DOK5: variants seen among roughly 807,000 people sequenced by gnomAD.
DOK5 encodes downstream of tyrosine kinase 5.
In DOK5, 27 loss-of-function variants were observed where a neutral mutation model predicts 43.3. The observed-to-expected ratio is 0.62, with a 90% confidence interval of 0.46 to 0.86. The LOEUF (loss-of-function observed/expected upper bound fraction) is 0.86, where lower values mean the gene tolerates loss of function less well. Ranked by LOEUF, DOK5 falls within the 40% of genes least tolerant of loss-of-function variation. The probability of loss-of-function intolerance (pLI) is 0.00; values close to 1 mark genes in which losing one functional copy is unlikely to be tolerated. For missense variants in DOK5, 373 were observed against 392.9 expected (o/e 0.95, Z 0.43); for synonymous variants, 146 against 140.1 (o/e 1.04, Z -0.30).
At chr20:54,647,288 T>G (rs908765920) in intron 7 of DOK5, among the ~76,000 whole-genome samples, 3 of 152,112 alleles carry the variant, frequency 2.0e-5, no homozygotes, top group Non-Finnish European at 4.4e-5. Flanking sequence ...GTGGATCTCC[T>G]GAGATCTCGA....
chr20:54,546,209 A>G (rs1487425786), intron 1 of DOK5, among the ~76,000 whole-genome samples: 2 of 152,226 alleles, frequency 1.3e-5, no homozygotes, highest in Non-Finnish European at 2.9e-5. Context: ...TGTTGGGATG[A>G]CTAATTGAAA....
chr20:54,603,683 C>A (rs1986369028), intron 5 of DOK5, among the ~76,000 whole-genome samples: 1 of 152,104 alleles, frequency 6.6e-6, no homozygotes, highest in African/African-American at 2.4e-5. Context: ...CCCAGGACAG[C>A]CCTAATAACA....
At chr20:54,479,958 T>G (rs149510640) in intron 1 of DOK5, among the ~76,000 whole-genome samples, 1 of 151,996 alleles carries the variant, frequency 6.6e-6, no homozygotes, top group Non-Finnish European at 1.5e-5. Context: ...ATATCTAGAA[T>G]CCGGCTGTCA....
intron 1 of DOK5, among the ~76,000 whole-genome samples, chr20:54,491,846 T>C (rs1982188462): frequency 6.6e-6 from 1 of 152,190 alleles, no homozygotes; most frequent in South Asian, 2.1e-4. Context: ...CAACTGAATG[T>C]ATTCTTTACT....
chr20:54,647,032 T>G (rs906930838), intron 7 of DOK5, among the ~76,000 whole-genome samples: 3 of 152,102 alleles, frequency 2.0e-5, no homozygotes, highest in Admixed American at 6.5e-5. Flanking sequence ...GCTGGTTGAT[T>G]TGGGAATTAT....
chr20:54,493,025 A>G, intron 1 of DOK5, among the ~76,000 whole-genome samples: 1 of 145,098 alleles, frequency 6.9e-6, no homozygotes, highest in East Asian at 2.0e-4. Flanking sequence ...ACTGCACTCC[A>G]GCCTGGGCAA....
intron 6 of DOK5, among the ~76,000 whole-genome samples, chr20:54,628,301 C>G (rs576513413): frequency 1.3e-5 from 2 of 149,744 alleles, no homozygotes; most frequent in East Asian, 4.0e-4. Context: ...CCCAGCTACT[C>G]TGGAGGCTGA....
chr20:54,637,586 C>T (rs779329570), intron 6 of DOK5, among the ~76,000 whole-genome samples: 16 of 152,228 alleles, frequency 1.1e-4, no homozygotes, highest in African/African-American at 3.1e-4. Context: ...CTTATTGCCA[C>T]GTTCCCCACA....
intron 6 of DOK5, among the ~76,000 whole-genome samples, chr20:54,633,723 T>A (rs1187730284): frequency 6.6e-6 from 1 of 152,208 alleles, no homozygotes; most frequent in East Asian, 1.9e-4. Context: ...GAGTTATTAA[T>A]ACTTTAAGGA....
chr20:54,581,002 A>G (rs762067526), intron 2 of DOK5, among the ~76,000 whole-genome samples: 3 of 152,042 alleles, frequency 2.0e-5, no homozygotes, highest in Non-Finnish European at 4.4e-5. Flanking sequence ...GGAGTTTTAT[A>G]GTTTCAGGTC....
intron 1 of DOK5, among the ~76,000 whole-genome samples, chr20:54,550,188 A>G (rs796211089): frequency 4.6e-5 from 7 of 152,132 alleles, no homozygotes; most frequent in African/African-American, 1.2e-4. Flanking sequence ...GGCAAAAAAA[A>G]AAAAAAAAAG....
chr20:54,496,578 C>T (rs957784646), intron 1 of DOK5, among the ~76,000 whole-genome samples: 38 of 151,788 alleles, frequency 2.5e-4, no homozygotes, highest in African/African-American at 4.8e-4. Context: ...CCATCCTGGC[C>T]AACACGGTGA....
intron 5 of DOK5, among the ~76,000 whole-genome samples, chr20:54,600,082 T>C (rs148500380): frequency 4.3e-4 from 66 of 152,168 alleles, no homozygotes; most frequent in East Asian, 3.5e-3. Flanking sequence ...GTGTGAGCCA[T>C]GTAAGAATCT....
chr20:54,477,379 T>C (rs1480947037), intron 1 of DOK5, among the ~76,000 whole-genome samples: 1 of 152,220 alleles, frequency 6.6e-6, no homozygotes, highest in Non-Finnish European at 1.5e-5. Context: ...CTGGTGACCA[T>C]GTTTTAGCGA....
chr20:54,510,051 T>G (rs1224383996), intron 1 of DOK5, among the ~76,000 whole-genome samples: 1 of 152,134 alleles, frequency 6.6e-6, no homozygotes, highest in Non-Finnish European at 1.5e-5. Flanking sequence ...CAAACCACCA[T>G]GGCACACGCT....
intron 1 of DOK5, among the ~76,000 whole-genome samples, chr20:54,525,232 A>G (rs1983538422): frequency 6.6e-6 from 1 of 152,256 alleles, no homozygotes; most frequent in African/African-American, 2.4e-5. Flanking sequence ...GTTGAAAATC[A>G]TTAAATTACC....
intron 6 of DOK5, among the ~76,000 whole-genome samples, chr20:54,642,166 TTC>T (rs766223817): frequency 4.7e-4 from 71 of 152,236 alleles, no homozygotes; most frequent in Admixed American, 9.8e-4. Flanking sequence ...ACAGGCTCTT[TTC>T]TCTCTGAAAC....
chr20:54,569,629 T>A (rs1470934390), intron 2 of DOK5, among the ~76,000 whole-genome samples: 1 of 152,192 alleles, frequency 6.6e-6, no homozygotes, highest in Non-Finnish European at 1.5e-5. Context: ...CTAAGAAGGT[T>A]ATATAAAATC....
chr20:54,621,741 A>G (rs1014785977), intron 6 of DOK5, among the ~76,000 whole-genome samples: 2 of 152,156 alleles, frequency 1.3e-5, no homozygotes, highest in African/African-American at 2.4e-5. Flanking sequence ...TACTGTATCA[A>G]AGGGTGCTAC....
Sources: gnomAD v4.1 joint callset for allele counts (sites outside exome capture counted in the v4.1 genomes callset) on GRCh38, gnomAD v4.1.1 for gene constraint, MANE v1.5 for transcripts, NCBI Gene and HGNC (gene_info 2026-07-23, HGNC 2026-07-21) for gene names.